FDFT1: variants seen among roughly 807,000 people sequenced by gnomAD.
The protein encoded by FDFT1 is farnesyl-diphosphate farnesyltransferase 1.
Under a neutral mutation model 46.8 loss-of-function variants are expected in FDFT1, and 68 were observed. That is an observed-to-expected ratio of 1.45 (90% CI 1.19 to 1.78). The LOEUF is 1.78. FDFT1 is among the 40% of genes most tolerant of loss of function. The probability of loss-of-function intolerance (pLI) is 0.00; values close to 1 mark genes in which losing one functional copy is unlikely to be tolerated. For missense variants in FDFT1, 928 were observed against 524.4 expected (o/e 1.77, Z -7.52); for synonymous variants, 351 against 185.1 (o/e 1.90, Z -7.28).
At chr8:11,830,706 C>G (rs1810654623) in intron 6 of FDFT1, among the ~76,000 whole-genome samples, 1 of 152,300 alleles carries the variant, frequency 6.6e-6, no homozygotes, top group East Asian at 1.9e-4. Flanking sequence ...AAGTCAAGGT[C>G]TTTGGCTTAG....
chr8:11,809,903 C>G (rs78146596), intron 3 of FDFT1, 53 bp downstream of exon 3: 2 of 1,386,868 alleles, frequency 1.4e-6, no homozygotes, highest in African/African-American at 1.4e-5. Context: ...TAATTGCTAA[C>G]GTGGTTGTCC....
rs1192828532 is a variant in FDFT1, at chr8:11,839,287, A to T, written c.*678A>T. The T allele has an allele frequency of 6.6e-6, 1 of 152,540 alleles. No homozygotes were observed. Among genetic ancestry groups the T allele is most frequent in the Non-Finnish European group, 1.5e-5 (1 of 68,328 alleles). 9.4% of individuals were successfully genotyped at this position (152,540 alleles called of 1,614,324 possible). On this transcript the variant is annotated 3_prime_UTR_variant, in exon 8 of 8. Coordinates refer to ENST00000220584, the MANE Select transcript of FDFT1 (RefSeq NM_004462.5). ...TTGAGATTTTTATAATAAAGAATTT[A>T]ATTGCTCTGCATTTGTCAAGTACAG...
chr8:11,802,665 G>C, upstream of FDFT1: 5 of 622,500 alleles, frequency 8.0e-6, no homozygotes, highest in South Asian at 9.5e-5. Flanking sequence ...GCTGGCGGCC[G>C]AGGCCGGTTG....
Position 11,838,634 on chromosome 8 carries a change from T to G in FDFT1, c.*25T>G. On this transcript the variant is annotated 3_prime_UTR_variant, in exon 8 of 8. Transcript: ENST00000220584. ...ATCCCAAATTTGTCCATAGCTGAAGTCCACCATAAAGTGGATTTACTTTTT... is the reference window on the plus strand; with the variant it reads ...ATCCCAAATTTGTCCATAGCTGAAGGCCACCATAAAGTGGATTTACTTTTT... The G allele has an allele frequency of 1.3e-6, 2 of 1,549,400 alleles. No homozygotes were observed. The highest frequency in any genetic ancestry group is 2.2e-5 in the South Asian group (2 of 89,760).
rs8417 is a variant in FDFT1, at chr8:11,809,670, C to G, written c.201C>G (p.Asn67Lys). ...VIQALDGEMRNAVCIFYLVLR... is the reference protein window; with the variant it reads ...VIQALDGEMRKAVCIFYLVLR... Reference sequence around the variant, plus strand: ...AATAGTTTTCCCTTTTTTACAGCAACGCAGTGTGCATATTTTATCTGGTTC... The same window carrying G: ...AATAGTTTTCCCTTTTTTACAGCAAGGCAGTGTGCATATTTTATCTGGTTC... The change falls in exon 3 of 8, where the codon AAC (asparagine) becomes AAG (lysine). Residue 67 changes from asparagine (N) to lysine (K), a missense_variant. Physicochemically the swap from Asn to Lys is moderately conservative, Grantham distance 94 (BLOSUM62 0). Transcript: ENST00000220584. The G allele has an allele frequency of 6.2e-7, 1 of 1,605,598 alleles. No individual in the cohort carries two copies.
upstream of FDFT1, chr8:11,802,269 A>G (rs757007193): frequency 1.0e-5 from 4 of 381,586 alleles, no homozygotes; most frequent in African/African-American, 2.1e-5. Context: ...CTCTACAGAG[A>G]GCGGCTGCAG....
chr8:11,801,371 G>A (rs1048978264), upstream of FDFT1, among the ~76,000 whole-genome samples: 7 of 152,216 alleles, frequency 4.6e-5, no homozygotes, highest in African/African-American at 1.7e-4. Flanking sequence ...CCAGGCTGGA[G>A]TGCAATAGCG....
At chr8:11,815,285 T>C (rs1367713710) in intron 3 of FDFT1, among the ~76,000 whole-genome samples, 1 of 152,204 alleles carries the variant, frequency 6.6e-6, no homozygotes. Context: ...GACATTTGGG[T>C]TGGTTCCAGG....
At chr8:11,832,576 A>AAAAAAAAAAAAAAAAAAAAG (rs139242873) in intron 7 of FDFT1, among the ~76,000 whole-genome samples, 1 of 134,846 alleles carries the variant, frequency 7.4e-6, no homozygotes, top group Non-Finnish European at 1.6e-5. Context: ...AAAAAAAAAA[A>AAAAAAAAAAAAAAAAAAAAG]GTCTTAGAGA....
At chr8:11,812,093 G>T (rs1807796245) in intron 3 of FDFT1, among the ~76,000 whole-genome samples, 2 of 152,148 alleles carry the variant, frequency 1.3e-5, no homozygotes, top group Admixed American at 1.3e-4. Flanking sequence ...TCTTAGACTG[G>T]GGCAAGTGAA....
chr8:11,798,541 G>A (rs1413870933), upstream of FDFT1, among the ~76,000 whole-genome samples: 1 of 152,240 alleles, frequency 6.6e-6, no homozygotes, highest in Non-Finnish European at 1.5e-5. Flanking sequence ...TTTTGAAGGG[G>A]TGGATATAAG....
At chr8:11,826,473 A>C (rs1036962479) in intron 5 of FDFT1, among the ~76,000 whole-genome samples, 2 of 152,154 alleles carry the variant, frequency 1.3e-5, no homozygotes, top group East Asian at 3.8e-4. Flanking sequence ...CAAGTGGTGG[A>C]TATGGTAACA....
In FDFT1 at chr8:11,802,770, C is replaced by G. The variant is rs995991429; in HGVS notation, c.-63C>G. On this transcript the variant is annotated 5_prime_UTR_variant, in exon 1 of 8. Transcript: ENST00000220584. Reference sequence around the variant, plus strand: ...CACCTACTCCACAGGTCCAGCCGGCCGGTGAGCGCCTGGGGACCGCAGAGG... The same window carrying G: ...CACCTACTCCACAGGTCCAGCCGGCGGGTGAGCGCCTGGGGACCGCAGAGG... 6 of 1,334,718 alleles carry G rather than the reference C, an allele frequency of 4.5e-6. No homozygotes were observed. Among genetic ancestry groups the G allele is most frequent in the African/African-American group, 2.9e-5 (2 of 68,764 alleles). 82.7% of individuals were successfully genotyped at this position (1,334,718 alleles called of 1,614,324 possible).
rs1811977754 is a variant in FDFT1 at position 11,839,122 on chromosome 8, C to G, written c.*513C>G. On this transcript the variant is annotated 3_prime_UTR_variant, in exon 8 of 8. Coordinates refer to ENST00000220584, the MANE Select transcript of FDFT1 (RefSeq NM_004462.5). ...GTTAGATGTTTCCTAAGAATGCAAA[C>G]TGCCTTTTCCACACAAAGGCTGGGA... 1 of 155,372 alleles carries G rather than the reference C, an allele frequency of 6.4e-6. No homozygotes were observed. Among genetic ancestry groups the G allele is most frequent in the Non-Finnish European group, 1.4e-5 (1 of 69,764 alleles). The allele number at this position is 155,372 out of a possible 1,614,324, so 9.6% of individuals were successfully genotyped here.
chr8:11,836,842 C>T (rs540750473), intron 7 of FDFT1, among the ~76,000 whole-genome samples: 3 of 152,214 alleles, frequency 2.0e-5, no homozygotes, highest in Admixed American at 6.5e-5. Flanking sequence ...TTGAGACCAG[C>T]CTGACCAACA....
Position 11,816,795 on chromosome 8 carries a change from T to C in FDFT1, c.382-4955T>C, listed in dbSNP as rs567808413. 2.8e-4 allele frequency among the ~76,000 whole-genome samples: 43 copies of C among 152,350 alleles called. 1 individual carries two copies. Among genetic ancestry groups the C allele is most frequent in the Non-Finnish European group, 3.5e-4 (24 of 68,026 alleles). On this transcript the variant is annotated intron_variant, in intron 3 of 7. Coordinates refer to ENST00000220584, the MANE Select transcript of FDFT1 (RefSeq NM_004462.5). The stretch of plus-strand genomic sequence containing the variant: ...CTGAGACGATGGGGTTTTCTAAATA[T>C]ACAATCATGTCATTTGCAAACAGGC...
intron 1 of FDFT1, among the ~76,000 whole-genome samples, chr8:11,804,259 G>A (rs942098762): frequency 2.0e-5 from 3 of 152,220 alleles, no homozygotes; most frequent in African/African-American, 7.2e-5. Context: ...CCTCATTTGG[G>A]TCCAGACTTC....
rs1404885043 is a variant in FDFT1, at chr8:11,802,774, G to T, written c.-59G>T. ...TACTCCACAGGTCCAGCCGGCCGGT[G>T]AGCGCCTGGGGACCGCAGAGGTGAG... On this transcript the variant is annotated 5_prime_UTR_variant, in exon 1 of 8. Transcript: ENST00000220584. 2 of 1,389,206 alleles carry T rather than the reference G, an allele frequency of 1.4e-6. No individual in the cohort carries two copies. The highest frequency in any genetic ancestry group is 2.4e-5 in the East Asian group (1 of 42,062). The allele number at this position is 1,389,206 out of a possible 1,614,324, so 86.1% of individuals were successfully genotyped here. A position where few individuals can be genotyped will look rare whatever the true frequency, so the allele number is the denominator to read the frequency against.
intron 1 of FDFT1, chr8:11,808,078 C>A (rs1585872567): frequency 5.3e-6 from 1 of 187,202 alleles, no homozygotes; most frequent in East Asian, 1.8e-4. Context: ...GGAACCTAAT[C>A]GGCTGTCTAG....
Sources: allele counts gnomAD v4.1 joint callset (sites outside exome capture counted in the v4.1 genomes callset), GRCh38; gene constraint gnomAD v4.1.1; transcripts MANE v1.5; gene names NCBI Gene and HGNC (gene_info 2026-07-23, HGNC 2026-07-21).